Variants in SOX5 observed in about 807,000 individuals in gnomAD.
The protein encoded by SOX5 is transcription factor SOX-5.
A neutral mutation model predicts 92.0 loss-of-function variants in SOX5; 9 were observed. The ratio of observed to expected loss-of-function variants is 0.10; its 90% CI spans 0.06 to 0.17. The LOEUF (loss-of-function observed/expected upper bound fraction) is 0.17, where lower values mean the gene tolerates loss of function less well. Ranked by LOEUF, SOX5 falls within the 10% of genes least tolerant of loss-of-function variation. The pLI, the probability that SOX5 is intolerant of heterozygous loss-of-function variation, is 1.00. For missense variants in SOX5, 642 were observed against 944.5 expected (o/e 0.68, Z 4.20); for synonymous variants, 344 against 336.3 (o/e 1.02, Z -0.25).
chr12:24,334,097 T>C (rs968358232), intron 2 of SOX5, among the ~76,000 whole-genome samples: 6 of 148,764 alleles, frequency 4.0e-5, no homozygotes, highest in Admixed American at 2.7e-4. Context: ...ATATACTATA[T>C]ACCAAATTAA....
At chr12:24,403,126 T>C (rs113201974) in intron 1 of SOX5, among the ~76,000 whole-genome samples, 1 of 152,344 alleles carries the variant, frequency 6.6e-6, no homozygotes, top group Non-Finnish European at 1.5e-5. Context: ...CATCTTCTCA[T>C]ACCTGAGCAG....
At chr12:23,688,159 A>G (rs1194405284) in intron 6 of SOX5, among the ~76,000 whole-genome samples, 1 of 152,086 alleles carries the variant, frequency 6.6e-6, no homozygotes, top group South Asian at 2.1e-4. Context: ...GCTGTGAAAT[A>G]GAATGGCCTG....
chr12:23,912,958 G>T (rs1462790666), intron 1 of SOX5, among the ~76,000 whole-genome samples: 2 of 152,044 alleles, frequency 1.3e-5, no homozygotes, highest in South Asian at 2.1e-4. Flanking sequence ...AAAATCTACT[G>T]AATTATACAT....
At chr12:23,727,610 C>T (rs1412104520) in intron 6 of SOX5, among the ~76,000 whole-genome samples, 1 of 152,084 alleles carries the variant, frequency 6.6e-6, no homozygotes, top group Non-Finnish European at 1.5e-5. Context: ...TTTAATAGCA[C>T]CTACTCAATA....
intron 2 of SOX5, among the ~76,000 whole-genome samples, chr12:24,317,560 A>C (rs1457869452): frequency 6.6e-6 from 1 of 152,178 alleles, no homozygotes; most frequent in Non-Finnish European, 1.5e-5. Flanking sequence ...AAAAATACTG[A>C]GGCATTCTTT....
At chr12:24,329,091 AC>A (rs1209773220) in intron 2 of SOX5, among the ~76,000 whole-genome samples, 3 of 152,250 alleles carry the variant, frequency 2.0e-5, no homozygotes, top group South Asian at 4.1e-4. Flanking sequence ...TAGGTCATAT[AC>A]TAAAATGCTA....
chr12:24,206,391 C>T (rs1958021379), intron 4 of SOX5, among the ~76,000 whole-genome samples: 1 of 152,180 alleles, frequency 6.6e-6, no homozygotes, highest in Admixed American at 6.5e-5. Context: ...AGTTTGACTC[C>T]TATTCCTAAT....
intron 3 of SOX5, among the ~76,000 whole-genome samples, chr12:24,218,001 G>A (rs938216155): frequency 3.3e-5 from 5 of 152,174 alleles, no homozygotes; most frequent in Non-Finnish European, 5.9e-5. Context: ...CTATAGAGAC[G>A]TGGGAACGCT....
chr12:24,338,678 G>C (rs1952194355), intron 2 of SOX5, among the ~76,000 whole-genome samples: 1 of 152,136 alleles, frequency 6.6e-6, no homozygotes, highest in South Asian at 2.1e-4. Context: ...GACCTGGTGG[G>C]AGGTAATTGA....
chr12:24,314,652 C>T (rs113327843), intron 2 of SOX5, among the ~76,000 whole-genome samples: 1 of 152,196 alleles, frequency 6.6e-6, no homozygotes, highest in Non-Finnish European at 1.5e-5. Flanking sequence ...TTACAATGCC[C>T]TATGCGGCCT....
chr12:23,924,574 C>T (rs1172011793), intron 1 of SOX5, among the ~76,000 whole-genome samples: 1 of 152,106 alleles, frequency 6.6e-6, no homozygotes, highest in African/African-American at 2.4e-5. Context: ...AGGAATATTA[C>T]ATTTGTAAAG....
chr12:24,202,189 G>T (rs550106331), intron 4 of SOX5, among the ~76,000 whole-genome samples: 1 of 152,180 alleles, frequency 6.6e-6, no homozygotes, highest in South Asian at 2.1e-4. Flanking sequence ...ATAGGACCCA[G>T]TTCACAGTGT....
intron 1 of SOX5, among the ~76,000 whole-genome samples, chr12:23,916,244 T>G (rs1326256613): frequency 6.6e-6 from 1 of 152,160 alleles, no homozygotes; most frequent in Admixed American, 6.5e-5. Context: ...CTAGAAATAT[T>G]TTATACTTCT....
At chr12:24,540,894 T>C (rs1306831896) in intron 1 of SOX5, among the ~76,000 whole-genome samples, 1 of 152,226 alleles carries the variant, frequency 6.6e-6, no homozygotes, top group Non-Finnish European at 1.5e-5. Flanking sequence ...TGGCTATGTA[T>C]GTGTATTCTG....
intron 4 of SOX5, among the ~76,000 whole-genome samples, chr12:24,019,825 T>C (rs1044789348): frequency 6.6e-6 from 1 of 152,204 alleles, no homozygotes; most frequent in South Asian, 2.1e-4. Flanking sequence ...CTTAACATCA[T>C]TTGATCTAGA....
intron 1 of SOX5, among the ~76,000 whole-genome samples, chr12:24,514,091 C>G (rs1015435077): frequency 6.6e-6 from 1 of 152,202 alleles, no homozygotes; most frequent in South Asian, 2.1e-4. Context: ...GCCTCTGAAT[C>G]GACTCAAATT....
chr12:23,788,372 T>C (rs868449595), intron 3 of SOX5, among the ~76,000 whole-genome samples: 10 of 152,084 alleles, frequency 6.6e-5, no homozygotes, highest in Middle Eastern at 3.4e-3. Flanking sequence ...GAAACAAGCT[T>C]TCTTAACACA....
chr12:24,137,262 G>A (rs529953382), intron 4 of SOX5, among the ~76,000 whole-genome samples: 3 of 152,170 alleles, frequency 2.0e-5, no homozygotes, highest in Non-Finnish European at 4.4e-5. Context: ...GTTCTCTCCT[G>A]AGATTCTGGT....
intron 6 of SOX5, among the ~76,000 whole-genome samples, chr12:23,713,111 G>A (rs552053199): frequency 6.6e-6 from 1 of 152,280 alleles, no homozygotes; most frequent in East Asian, 1.9e-4. Context: ...TAAGAGAATG[G>A]AGAAGCATAT....
Sources: allele counts gnomAD v4.1 joint callset (sites outside exome capture counted in the v4.1 genomes callset), GRCh38; gene constraint gnomAD v4.1.1; transcripts MANE v1.5; gene names NCBI Gene and HGNC (gene_info 2026-07-23, HGNC 2026-07-21).